The following ERC2 variants were observed in gnomAD, a reference collection of about 807,000 sequenced individuals.
The protein encoded by ERC2 is ELKS/RAB6-interacting/CAST family member 2, also known as ERC protein 2.
Under a neutral mutation model 114.8 loss-of-function variants are expected in ERC2, and 42 were observed. The observed-to-expected ratio is 0.37, with a 90% CI of 0.29 to 0.47. The LOEUF (loss-of-function observed/expected upper bound fraction) is 0.47. Among genes scored for constraint, ERC2 ranks in the 20% least tolerant of loss-of-function variants. The probability of loss-of-function intolerance (pLI) is 0.99; values close to 1 mark genes in which losing one functional copy is unlikely to be tolerated. For synonymous variants in ERC2, 454 were observed against 425.5 expected, an observed-to-expected ratio of 1.07 and a Z score of -0.82; for missense variants, 939 against 1,150.7, an observed-to-expected ratio of 0.82 and a Z score of 2.66.
At chr3:55,771,346 T>A (rs2068185514) in intron 14 of ERC2, among the ~76,000 whole-genome samples, 1 of 152,336 alleles carries the variant, frequency 6.6e-6, no homozygotes, top group South Asian at 2.1e-4. Flanking sequence ...AAATGGAGAA[T>A]GACATTAGCA....
intron 14 of ERC2, among the ~76,000 whole-genome samples, chr3:55,807,559 G>A (rs9311584): frequency 0.31 from 47,782 of 152,036 alleles, 8,848 homozygotes; most frequent in African/African-American, 0.51. Context: ...AGTATCTACA[G>A]TATACAAGTG....
intron 14 of ERC2, among the ~76,000 whole-genome samples, chr3:55,799,540 G>A (rs1416614994): frequency 1.4e-5 from 2 of 147,994 alleles, no homozygotes; most frequent in African/African-American, 2.5e-5. Flanking sequence ...TTTACCACAT[G>A]CAGTGCATCA....
At chr3:56,332,705 T>C (rs2057680323) in intron 2 of ERC2, among the ~76,000 whole-genome samples, 2 of 152,162 alleles carry the variant, frequency 1.3e-5, no homozygotes, top group Non-Finnish European at 2.9e-5. Flanking sequence ...TCTGTTTAGG[T>C]TCTTAAATTA....
At chr3:56,312,431 T>C (rs2056634971) in intron 2 of ERC2, among the ~76,000 whole-genome samples, 1 of 152,160 alleles carries the variant, frequency 6.6e-6, no homozygotes. Flanking sequence ...GTGATCATAG[T>C]TAGCAACAAT....
chr3:56,158,244 C>CATGA (rs2081847091), intron 4 of ERC2, among the ~76,000 whole-genome samples: 1 of 152,134 alleles, frequency 6.6e-6, no homozygotes, highest in Admixed American at 6.5e-5. Flanking sequence ...AAGTGACTTG[C>CATGA]CAAATGCCCA....
At chr3:55,867,784 AAG>A (rs2062393965) in intron 14 of ERC2, among the ~76,000 whole-genome samples, 1 of 152,196 alleles carries the variant, frequency 6.6e-6, no homozygotes, top group Non-Finnish European at 1.5e-5. Context: ...CAGATATTAA[AAG>A]AGATGTAATG....
rs191678518 is a variant in ERC2 at position 56,339,224 on chromosome 3, T to C, written c.658-42789A>G. 1.6e-4 allele frequency among the ~76,000 whole-genome samples: 25 copies of C among 152,210 alleles called. No individual in the cohort carries two copies. The East Asian group carries it at 4.3e-3, about 26-fold the overall frequency. On this transcript the variant is annotated intron_variant, in intron 2 of 17. Coordinates refer to ENST00000288221, the MANE Select transcript of ERC2 (RefSeq NM_015576.3). ...AGTAACAACAGATCATCACACAGCATATGGGAGTGCGCCATCATACAGAAG... is the reference window on the plus strand; with the variant it reads ...AGTAACAACAGATCATCACACAGCACATGGGAGTGCGCCATCATACAGAAG...
intron 17 of ERC2, among the ~76,000 whole-genome samples, chr3:55,549,477 C>CT (rs11404043): frequency 0.59 from 72,579 of 123,076 alleles, 24,710 homozygotes; most frequent in East Asian, 0.83. Flanking sequence ...GCCGCCTTAC[C>CT]TTTTTTTTTT....
intron 2 of ERC2, among the ~76,000 whole-genome samples, chr3:56,305,232 A>T (rs1292497044): frequency 2.0e-5 from 3 of 152,128 alleles, no homozygotes; most frequent in African/African-American, 7.2e-5. Context: ...CTATAAACAG[A>T]ATGAAAAAAC....
chr3:55,602,843 C>T (rs1387330455), intron 17 of ERC2, among the ~76,000 whole-genome samples: 1 of 152,180 alleles, frequency 6.6e-6, no homozygotes, highest in African/African-American at 2.4e-5. Context: ...TTTACCTCTT[C>T]TATGCTGTGC....
chr3:56,106,979 A>G (rs1208006324), intron 6 of ERC2, among the ~76,000 whole-genome samples: 1 of 152,224 alleles, frequency 6.6e-6, no homozygotes, highest in Non-Finnish European at 1.5e-5. Flanking sequence ...AGGCCCAGCC[A>G]ATCGCAGCCC....
intron 17 of ERC2, among the ~76,000 whole-genome samples, chr3:55,621,841 A>C (rs1559755658): frequency 6.6e-6 from 1 of 152,182 alleles, no homozygotes; most frequent in Non-Finnish European, 1.5e-5. Flanking sequence ...AGGACATGGG[A>C]TACGTGGAAA....
chr3:56,346,067 A>T (rs1247108964), intron 2 of ERC2, among the ~76,000 whole-genome samples: 1 of 152,210 alleles, frequency 6.6e-6, no homozygotes, highest in Non-Finnish European at 1.5e-5. Context: ...GGGTCATAGG[A>T]TATGAATATT....
intron 4 of ERC2, among the ~76,000 whole-genome samples, chr3:56,156,144 G>A (rs902941873): frequency 4.6e-5 from 7 of 152,162 alleles, no homozygotes; most frequent in Admixed American, 1.3e-4. Flanking sequence ...AGACATAGTT[G>A]AGAATCAAGG....
chr3:55,625,149 C>T (rs190963178), intron 17 of ERC2, among the ~76,000 whole-genome samples: 2 of 151,442 alleles, frequency 1.3e-5, no homozygotes, highest in East Asian at 3.9e-4. Flanking sequence ...AGGCGGATCA[C>T]TTGAGGTCAG....
chr3:55,621,953 T>C (rs894653763), intron 17 of ERC2, among the ~76,000 whole-genome samples: 1 of 152,176 alleles, frequency 6.6e-6, no homozygotes, highest in African/African-American at 2.4e-5. Flanking sequence ...TGGGACTTTG[T>C]ATTCACATGA....
chr3:55,572,566 C>A (rs1409810102), intron 17 of ERC2, among the ~76,000 whole-genome samples: 1 of 152,242 alleles, frequency 6.6e-6, no homozygotes, highest in African/African-American at 2.4e-5. Context: ...CAAGCTCCTA[C>A]ATGGAGCACT....
chr3:55,871,390 T>A (rs2062576523), intron 14 of ERC2, among the ~76,000 whole-genome samples: 1 of 152,198 alleles, frequency 6.6e-6, no homozygotes, highest in African/African-American at 2.4e-5. Context: ...GAGTGGCTTA[T>A]GTTCAGACCT....
At chr3:55,896,059 CT>C (rs1159472779) in intron 13 of ERC2, among the ~76,000 whole-genome samples, 4 of 152,140 alleles carry the variant, frequency 2.6e-5, no homozygotes, top group African/African-American at 9.7e-5. Flanking sequence ...AAGCATGTGG[CT>C]TTTGGTCCTG....
Sources: allele counts gnomAD v4.1 joint callset (sites outside exome capture counted in the v4.1 genomes callset), GRCh38; gene constraint gnomAD v4.1.1; transcripts MANE v1.5; gene names NCBI Gene and HGNC (gene_info 2026-07-23, HGNC 2026-07-21).